Variants in PTPRN observed in about 807,000 individuals in gnomAD.
PTPRN encodes the protein receptor-type tyrosine-protein phosphatase-like N.
In PTPRN, 70 loss-of-function variants were observed where a neutral mutation model predicts 108.5. The observed-to-expected ratio is 0.65, with a 90% confidence interval of 0.53 to 0.79. The LOEUF is 0.79. Ranked by LOEUF, PTPRN falls within the 30% of genes least tolerant of loss-of-function variation. PTPRN has a pLI of 0.00. For missense variants in PTPRN, 1,136 were observed against 1,295.5 expected, an observed-to-expected ratio of 0.88 and a Z score of 1.89; for synonymous variants, 496 against 524.6, an observed-to-expected ratio of 0.95 and a Z score of 0.75.
rs1952232335 is a variant in PTPRN at position 219,297,494 on chromosome 2, G to C, written c.1888-61C>G. ...CCTGAAACTTTTCAACAGGGCCCTGGGTTCAACTCTGGGCTCCTAGGCTTG... is the reference window on the plus strand; with the variant it reads ...CCTGAAACTTTTCAACAGGGCCCTGCGTTCAACTCTGGGCTCCTAGGCTTG... On this transcript the variant is annotated intron_variant, in intron 13 of 22. Transcript: ENST00000295718. This position sits in a 1 kb window ranked among gnomAD's most constrained non-coding sequence, Gnocchi z 6.0. 3 of 1,518,122 alleles carry C rather than the reference G, an allele frequency of 2.0e-6. No individual in the cohort carries two copies. The highest frequency in any genetic ancestry group is 3.4e-5 in the Admixed American group (2 of 58,454). The allele number at this position is 1,518,122 out of a possible 1,614,324, so 94.0% of individuals were successfully genotyped here.
chr2:219,293,763 C>T (rs147159908), intron 19 of PTPRN, among the ~76,000 whole-genome samples: 1 of 152,364 alleles, frequency 6.6e-6, no homozygotes, highest in Non-Finnish European at 1.5e-5. Flanking sequence ...CCCAGCTCTG[C>T]TCCTCTGTCC....
intron 12 of PTPRN, among the ~76,000 whole-genome samples, 198 bp from the exon 13 acceptor site, chr2:219,298,301 A>G (rs1260118201): frequency 6.6e-6 from 1 of 152,240 alleles, no homozygotes; most frequent in Non-Finnish European, 1.5e-5. Context: ...ACCACAGTGC[A>G]GTGCCAGAGG....
chr2:219,305,673 C>G (rs778058052), intron 3 of PTPRN, among the ~76,000 whole-genome samples: 1 of 152,182 alleles, frequency 6.6e-6, no homozygotes, highest in South Asian at 2.1e-4. Context: ...AAATTTATAT[C>G]TCCAGGTGAG....
intron 20 of PTPRN, among the ~76,000 whole-genome samples, 171 bp downstream of exon 20, chr2:219,291,299 C>T (rs1361268936): frequency 6.6e-6 from 1 of 152,180 alleles, no homozygotes; most frequent in Admixed American, 6.5e-5. Context: ...TTTTTCTTCA[C>T]CCATTTAAAA....
chr2:219,301,259 GCTT>G lies in PTPRN; in HGVS notation c.1127-285_1127-283del, dbSNP rs754167976. On this transcript the variant is annotated intron_variant, in intron 7 of 22. Coordinates refer to ENST00000295718, the MANE Select transcript of PTPRN (RefSeq NM_002846.4). ...TTATTTCTCTACCCATCAATTACTG[GCTT>G]CTTCTTAGTACTGGCTATGCCCGTT... Among the ~76,000 whole-genome samples the G allele has an allele frequency of 3.4e-4, 52 of 152,244 alleles. 1 individual carries two copies. Among genetic ancestry groups the G allele is most frequent in the African/African-American group, 1.2e-4 (5 of 41,520 alleles).
chr2:219,290,570 G>C lies in PTPRN; in HGVS notation c.2836C>G (p.Arg946Gly). ...IDIAATLEHV[R>G]DQRPGLVRSK... ...CGGACAAGGCCAGGCCGCTGGTCAC[G>C]GACATGCTCCAGGGTGGCAGCGATG... The change falls in exon 22 of 23, where the codon CGT becomes GGT. Residue 946 changes from arginine to glycine, a missense_variant. By Grantham distance (125) the Arg-to-Gly change is moderately radical. Coordinates refer to ENST00000295718, the MANE Select transcript of PTPRN (RefSeq NM_002846.4). The surrounding 1 kb of genome is among the most constrained non-coding windows in gnomAD (Gnocchi z 4.2). 1.3e-6 allele frequency: 2 copies of C among 1,551,798 alleles called. No homozygotes were observed. Among genetic ancestry groups the C allele is most frequent in the Non-Finnish European group, 8.7e-7 (1 of 1,147,024 alleles).
rs1181697712 is a variant in PTPRN at position 219,297,461 on chromosome 2, A to C, written c.1888-28T>G. On this transcript the variant is annotated intron_variant, in intron 13 of 22. Coordinates refer to ENST00000295718, the MANE Select transcript of PTPRN (RefSeq NM_002846.4). The surrounding 1 kb of genome is among the most constrained non-coding windows in gnomAD (Gnocchi z 6.0). ...GTGGAGGAAGAATCAGGTGAGGTCC[A>C]AGAGTCCCCTGAAACTTTTCAACAG... 1.9e-6 allele frequency: 3 copies of C among 1,610,194 alleles called. No homozygotes were observed. The South Asian group carries it at 3.3e-5, about 18-fold the overall frequency.
chr2:219,296,651 G>A lies in PTPRN; in HGVS notation c.2310+98C>T. The A allele has an allele frequency of 6.5e-7, 1 of 1,545,212 alleles. No homozygotes were observed. The highest frequency in any genetic ancestry group is 8.9e-7 in the Non-Finnish European group (1 of 1,125,288). ...TAGGATATCAGGCCCCACCACTCCA[G>A]GGGGTTGGTGGGGTGGCAGGTGACC... On this transcript the variant is annotated intron_variant, in intron 16 of 22. Coordinates refer to ENST00000295718, the MANE Select transcript of PTPRN (RefSeq NM_002846.4). The surrounding 1 kb of genome is among the most constrained non-coding windows in gnomAD (Gnocchi z 6.0).
intron 1 of PTPRN, 37 bp from the exon 2 acceptor site, chr2:219,307,879 A>ATT: frequency 6.2e-7 from 1 of 1,603,580 alleles, no homozygotes; most frequent in Non-Finnish European, 8.5e-7. Context: ...TCAGACACCC[A>ATT]CTCACAGAGA....
At position 219,302,713 on chromosome 2, in the gene PTPRN, C is replaced by T. The variant is rs745560645; in HGVS notation, c.502G>A (p.Gly168Arg). The T allele has an allele frequency of 5.6e-6, 9 of 1,613,436 alleles. No individual in the cohort carries two copies. The highest frequency in any genetic ancestry group is 7.6e-6 in the Non-Finnish European group (9 of 1,179,872). ...PQPPVGKGGA[G>R]ASSSLSPLQA... ...AGAGGGGACAGAGAGGAGCTGGCCC[C>T]AGCTCCACCTTTGCCCACTGGTGGT... The change falls in exon 5 of 23, where the codon GGG becomes AGG. Residue 168 changes from glycine (G) to arginine (R), a missense_variant. Coordinates refer to ENST00000295718, the MANE Select transcript of PTPRN (RefSeq NM_002846.4).
chr2:219,291,560 C>A (rs374522791), intron 19 of PTPRN, 37 bp from the exon 20 acceptor site: 1 of 1,599,772 alleles, frequency 6.3e-7, no homozygotes, highest in South Asian at 1.1e-5. Flanking sequence ...CAGTGGGCAC[C>A]AGCAGAGAGG....
rs1409353244 is a variant in PTPRN at position 219,297,850 on chromosome 2, T to C, written c.1887+35A>G. ...GACCCAGACTCCCAGGCCCCTTGCA[T>C]TTCCTTTGCTCAATCAGCTTCTGGG... On this transcript the variant is annotated intron_variant, in intron 13 of 22. Transcript: ENST00000295718. This position sits in a 1 kb window ranked among gnomAD's most constrained non-coding sequence, Gnocchi z 6.0. 1 of 1,567,076 alleles carries C rather than the reference T, an allele frequency of 6.4e-7. No homozygotes were observed. Among genetic ancestry groups the C allele is most frequent in the South Asian group, 1.2e-5 (1 of 85,858 alleles).
Position 219,297,913 on chromosome 2 carries a change from GC to G in PTPRN, c.1858del (p.Ala620ProfsTer35), listed in dbSNP as rs1421510604. On this transcript the variant is annotated frameshift_variant, in exon 13 of 23. Transcript: ENST00000295718. LOFTEE classifies it high-confidence loss of function. This position sits in a 1 kb window ranked among gnomAD's most constrained non-coding sequence, Gnocchi z 6.0. The part of the protein sequence containing the change: ...ERLAALGPEG[A>X]HGDTTFEYQD... Reference sequence around the variant, plus strand: ...GTACTCAAAGGTAGTGTCACCATGGGCCCCCTCAGGCCCCAGGGCTGCCAGG... The same window carrying G: ...GTACTCAAAGGTAGTGTCACCATGGGCCCCTCAGGCCCCAGGGCTGCCAGG... The G allele has an allele frequency of 6.2e-7, 1 of 1,611,674 alleles. No homozygotes were observed. The highest frequency in any genetic ancestry group is 8.5e-7 in the Non-Finnish European group (1 of 1,179,612).
At position 219,290,497 on chromosome 2, in the gene PTPRN, G is replaced by C. The variant is rs1280780106; in HGVS notation, c.2868+41C>G. The C allele has an allele frequency of 6.5e-7, 1 of 1,529,046 alleles. No individual in the cohort carries two copies. The highest frequency in any genetic ancestry group is 8.9e-7 in the Non-Finnish European group (1 of 1,127,430). 94.7% of individuals were successfully genotyped at this position (1,529,046 alleles called of 1,614,324 possible). ...GGGTGGCCAAGAAGTGGGTGCTAGG[G>C]AAGGGTGGGAGCTGGGGTTGGGGCA... On this transcript the variant is annotated intron_variant, in intron 22 of 22. Transcript: ENST00000295718. This position sits in a 1 kb window ranked among gnomAD's most constrained non-coding sequence, Gnocchi z 4.2.
In PTPRN at chr2:219,296,788, G is replaced by A; in HGVS notation, c.2271C>T (p.Ser757=). Residue 757 remains serine (S), a synonymous_variant, in exon 16 of 23, where the codon AGC becomes AGT. Coordinates refer to ENST00000295718, the MANE Select transcript of PTPRN (RefSeq NM_002846.4). This position sits in a 1 kb window ranked among gnomAD's most constrained non-coding sequence, Gnocchi z 6.0. ...DHARIKLKVE[S]SPSRSDYINA... is the part of the protein sequence containing the mutation. ...TGATGTAATCGCTCCGAGAAGGGCTGCTCTCCACCTTCAGTTTTATGCGGG... is the reference window on the plus strand; with the variant it reads ...TGATGTAATCGCTCCGAGAAGGGCTACTCTCCACCTTCAGTTTTATGCGGG... The A allele has an allele frequency of 6.2e-7, 1 of 1,614,048 alleles. No homozygotes were observed. The highest frequency in any genetic ancestry group is 8.5e-7 in the Non-Finnish European group (1 of 1,179,990).
In PTPRN at chr2:219,298,090, G is replaced by A. The variant is rs1952247491; in HGVS notation, c.1682C>T (p.Ala561Val). ...GTGCGCAGTTTGGGGAAGGACTGCA[G>A]CTGCCTCCTCCCTCTGTGGGAACAA... is the stretch of plus-strand genomic sequence containing the variant. Reference protein sequence around the residue: ...QTGVGQREEAAAVLPQTAHST... With the variant: ...QTGVGQREEAVAVLPQTAHST... Residue 561 changes from alanine (A) to valine (V), a missense_variant, in exon 13 of 23, where the codon GCT becomes GTT. Transcript: ENST00000295718. The A allele has an allele frequency of 6.2e-7, 1 of 1,612,842 alleles. No individual in the cohort carries two copies. The highest frequency in any genetic ancestry group is 1.3e-5 in the African/African-American group (1 of 74,944).
At chr2:219,293,243 C>T (rs750947101) in intron 19 of PTPRN, among the ~76,000 whole-genome samples, 4 of 152,126 alleles carry the variant, frequency 2.6e-5, no homozygotes, top group Non-Finnish European at 4.4e-5. Context: ...TACAGTGGCA[C>T]GGTCTCGTCT....
chr2:219,301,007 A>G, intron 7 of PTPRN, 30 bp from the exon 8 acceptor site: 1 of 1,613,318 alleles, frequency 6.2e-7, no homozygotes, highest in Non-Finnish European at 8.5e-7. Flanking sequence ...AGAGTCTGGA[A>G]AAATGGCCAT....
At position 219,290,369 on chromosome 2, in the gene PTPRN, T is replaced by G; in HGVS notation, c.2869-72A>C. 6.6e-6 allele frequency: 6 copies of G among 915,910 alleles called. No individual in the cohort carries two copies. The highest frequency in any genetic ancestry group is 1.0e-5 in the Non-Finnish European group (6 of 577,016). 56.7% of individuals were successfully genotyped at this position (915,910 alleles called of 1,614,324 possible). A position where few individuals can be genotyped will look rare whatever the true frequency, so the allele number is the denominator to read the frequency against. On this transcript the variant is annotated intron_variant, in intron 22 of 22. Transcript: ENST00000295718. This position sits in a 1 kb window ranked among gnomAD's most constrained non-coding sequence, Gnocchi z 4.2. ...GCTCTGCCCTCAAGATGGGGGGCTTTTGGTGGGGGGAGGGCCCTGGGCAGG... is the reference window on the plus strand; with the variant it reads ...GCTCTGCCCTCAAGATGGGGGGCTTGTGGTGGGGGGAGGGCCCTGGGCAGG...
Sources: gnomAD v4.1 joint callset for allele counts (sites outside exome capture counted in the v4.1 genomes callset) on GRCh38, gnomAD v4.1.1 for gene constraint, Gnocchi (gnomAD v3.1) non-coding constraint, MANE v1.5 for transcripts, NCBI Gene and HGNC (gene_info 2026-07-23, HGNC 2026-07-21) for gene names.